The following CARMIL1 variants were observed in gnomAD, a reference collection of about 807,000 sequenced individuals.
CARMIL1 encodes the protein capping protein regulator and myosin 1 linker 1, also known as F-actin-uncapping protein LRRC16A.
In CARMIL1, 90 loss-of-function variants were observed where a neutral mutation model predicts 177.1. The observed-to-expected ratio is 0.51, with a 90% CI of 0.43 to 0.61. The LOEUF is 0.61. CARMIL1 is among the 20% of genes least tolerant of loss of function. The pLI, the probability that CARMIL1 is intolerant of heterozygous loss-of-function variation, is 0.00. For synonymous variants in CARMIL1, 577 were observed against 606.2 expected, an observed-to-expected ratio of 0.95 and a Z score of 0.71; for missense variants, 1,380 against 1,667.0, an observed-to-expected ratio of 0.83 and a Z score of 3.00.
intron 11 of CARMIL1, among the ~76,000 whole-genome samples, chr6:25,476,267 C>G (rs778902559): frequency 6.6e-6 from 1 of 152,140 alleles, no homozygotes; most frequent in Non-Finnish European, 1.5e-5. Context: ...TATCTAGCTG[C>G]GTCCCATTCA....
chr6:25,602,580 G>A (rs1224833363), intron 33 of CARMIL1, among the ~76,000 whole-genome samples: 1 of 152,156 alleles, frequency 6.6e-6, no homozygotes, highest in Non-Finnish European at 1.5e-5. Flanking sequence ...GCGCCATCTA[G>A]TGTCACTTTA....
chr6:25,304,691 G>A (rs1783129932), intron 2 of CARMIL1, among the ~76,000 whole-genome samples: 1 of 152,208 alleles, frequency 6.6e-6, no homozygotes, highest in South Asian at 2.1e-4. Flanking sequence ...CCACAGCCCA[G>A]GGGTTGGGGA....
chr6:25,501,868 C>T (rs184551887), intron 17 of CARMIL1, among the ~76,000 whole-genome samples: 7 of 151,578 alleles, frequency 4.6e-5, no homozygotes, highest in African/African-American at 1.7e-4. Flanking sequence ...GAATTTGTAC[C>T]ATATAAATTG....
intron 11 of CARMIL1, among the ~76,000 whole-genome samples, chr6:25,478,098 G>T (rs373578450): frequency 6.6e-6 from 1 of 151,858 alleles, no homozygotes; most frequent in East Asian, 1.9e-4. Context: ...TTCAAAATTC[G>T]ATTATTTCAT....
chr6:25,526,050 C>T (rs1457857045), intron 23 of CARMIL1, among the ~76,000 whole-genome samples: 1 of 151,830 alleles, frequency 6.6e-6, no homozygotes, highest in Non-Finnish European at 1.5e-5. Context: ...TGGTTAATGC[C>T]TGTAATCCCA....
chr6:25,332,762 C>CGCAT (rs1554165887), intron 2 of CARMIL1, among the ~76,000 whole-genome samples: 5 of 112,986 alleles, frequency 4.4e-5, no homozygotes, highest in Non-Finnish European at 1.0e-4. Flanking sequence ...CACACACACA[C>CGCAT]ACACACACAC....
chr6:25,508,561 C>A (rs1178620950), intron 17 of CARMIL1, among the ~76,000 whole-genome samples: 1 of 152,150 alleles, frequency 6.6e-6, no homozygotes, highest in Non-Finnish European at 1.5e-5. Flanking sequence ...ATGTAAATAT[C>A]CCAACTGAAA....
chr6:25,533,521 A>G (rs1807973637), intron 24 of CARMIL1, among the ~76,000 whole-genome samples: 2 of 152,168 alleles, frequency 1.3e-5, no homozygotes, highest in African/African-American at 2.4e-5. Flanking sequence ...AGTAAACATT[A>G]ATGGGTTTTT....
intron 3 of CARMIL1, among the ~76,000 whole-genome samples, chr6:25,424,056 C>T (rs896764913): frequency 8.5e-5 from 13 of 152,052 alleles, no homozygotes; most frequent in Admixed American, 6.6e-4. Context: ...CTTGCTGTGA[C>T]GTCTTTCAGT....
intron 2 of CARMIL1, among the ~76,000 whole-genome samples, chr6:25,325,621 G>T (rs997704562): frequency 1.3e-5 from 2 of 152,136 alleles, no homozygotes; most frequent in Non-Finnish European, 2.9e-5. Flanking sequence ...TTACTGAAAA[G>T]TTCATTATTT....
intron 29 of CARMIL1, among the ~76,000 whole-genome samples, chr6:25,565,986 G>T (rs1390072900): frequency 6.6e-6 from 1 of 151,996 alleles, no homozygotes; most frequent in Non-Finnish European, 1.5e-5. Flanking sequence ...CCTCCCTAAG[G>T]CTTCACCATC....
At chr6:25,604,725 T>C (rs1031823540) in intron 33 of CARMIL1, 87 bp from the exon 34 acceptor site, 1 of 1,049,434 alleles carries the variant, frequency 9.5e-7, no homozygotes, top group Non-Finnish European at 1.4e-6. Context: ...AGCCCTTCTT[T>C]GCTGTCATTT....
At chr6:25,490,738 TA>T (rs1562208804) in intron 13 of CARMIL1, among the ~76,000 whole-genome samples, 17 of 136,470 alleles carry the variant, frequency 1.2e-4, no homozygotes, top group Non-Finnish European at 2.3e-4. Context: ...AATAAATAAA[TA>T]AATAAATAAA....
intron 1 of CARMIL1, among the ~76,000 whole-genome samples, chr6:25,282,808 A>ATCCATGATCT (rs1781241826): frequency 3.3e-5 from 5 of 152,246 alleles, no homozygotes; most frequent in Admixed American, 3.3e-4. Context: ...GTGCTTCCGA[A>ATCCATGATCT]TCCATGATCT....
chr6:25,594,651 C>A, intron 32 of CARMIL1, 124 bp downstream of exon 32: 1 of 615,354 alleles, frequency 1.6e-6, no homozygotes, highest in Non-Finnish European at 2.8e-6. Flanking sequence ...TGACAGCTTG[C>A]AAAATATGGT....
chr6:25,492,386 A>C (rs942352982), intron 15 of CARMIL1, among the ~76,000 whole-genome samples: 4 of 152,220 alleles, frequency 2.6e-5, no homozygotes, highest in Admixed American at 1.3e-4. Flanking sequence ...AGTAAAGAGA[A>C]TAGTTATCTC....
chr6:25,394,876 GTTACTTA>G (rs1310312451), intron 2 of CARMIL1, among the ~76,000 whole-genome samples: 2 of 152,146 alleles, frequency 1.3e-5, no homozygotes, highest in Non-Finnish European at 2.9e-5. Flanking sequence ...AAGTAAATAT[GTTACTTA>G]TTTCCTTTTG....
At chr6:25,371,460 G>C (rs9467479) in intron 2 of CARMIL1, among the ~76,000 whole-genome samples, 2,015 of 152,230 alleles carry the variant, frequency 0.013, 40 homozygotes, top group African/African-American at 0.035. Flanking sequence ...TTCTGGCTGG[G>C]GTAAGGTGGT....
chr6:25,290,849 T>A (rs116047788), intron 2 of CARMIL1, among the ~76,000 whole-genome samples: 4,121 of 152,320 alleles, frequency 0.027, 68 homozygotes, highest in Non-Finnish European at 0.038. Flanking sequence ...GCAGTGGCAC[T>A]ATCACAATCA....
Sources: allele counts gnomAD v4.1 joint callset (sites outside exome capture counted in the v4.1 genomes callset), GRCh38; gene constraint gnomAD v4.1.1; transcripts MANE v1.5; gene names NCBI Gene and HGNC (gene_info 2026-07-23, HGNC 2026-07-21).